The following CNTN1 variants were observed in gnomAD, a reference collection of about 807,000 sequenced individuals.
CNTN1 encodes contactin 1.
CNTN1 carries 38 observed loss-of-function variants against 126.4 expected under a neutral mutation model. That is an observed-to-expected ratio of 0.30 (90% CI 0.23 to 0.39). CNTN1 has a LOEUF of 0.39. Among genes scored for constraint, CNTN1 ranks in the 10% least tolerant of loss-of-function variants. The pLI, the probability that CNTN1 is intolerant of heterozygous loss-of-function variation, is 1.00. For synonymous variants in CNTN1, 413 were observed against 422.6 expected, an observed-to-expected ratio of 0.98 and a Z score of 0.28; for missense variants, 1,009 against 1,248.4, an observed-to-expected ratio of 0.81 and a Z score of 2.89.
At chr12:40,814,385 G>T (rs970713944) in intron 1 of CNTN1, among the ~76,000 whole-genome samples, 8 of 152,180 alleles carry the variant, frequency 5.3e-5, no homozygotes, top group African/African-American at 1.9e-4. Context: ...AAGACGTAAG[G>T]ACGGAGTCCA....
chr12:40,986,800 C>T lies in CNTN1; in HGVS notation c.1963+5733C>T, dbSNP rs73116954. ...TTCTGCCCCAAAACTTTCTTGAGTA[C>T]ACATGATGAAGGCCTATGAAAAATA... On this transcript the variant is annotated intron_variant, in intron 16 of 23. Coordinates refer to ENST00000551295, the MANE Select transcript of CNTN1 (RefSeq NM_001843.4). 8.7e-3 allele frequency among the ~76,000 whole-genome samples: 1,327 copies of T among 152,222 alleles called. 18 individuals are homozygous for T. Among genetic ancestry groups the T allele is most frequent in the African/African-American group, 0.03 (1,245 of 41,528 alleles).
chr12:40,889,649 G>A (rs919042684), intron 1 of CNTN1, among the ~76,000 whole-genome samples: 3 of 152,002 alleles, frequency 2.0e-5, no homozygotes, highest in African/African-American at 7.3e-5. Context: ...TTAAAGAAGG[G>A]CAGAAATGGT....
chr12:40,897,036 T>C (rs1210833779), intron 1 of CNTN1, among the ~76,000 whole-genome samples: 1 of 152,222 alleles, frequency 6.6e-6, no homozygotes, highest in Non-Finnish European at 1.5e-5. Context: ...ATGGAGTACA[T>C]ATATCTTAAC....
chr12:40,851,671 C>T (rs1942719374), intron 1 of CNTN1, among the ~76,000 whole-genome samples: 3 of 152,122 alleles, frequency 2.0e-5, no homozygotes, highest in African/African-American at 7.2e-5. Flanking sequence ...ATCACTGTGA[C>T]GTGGGTTTTG....
chr12:41,037,381 G>A (rs1010211604), intron 23 of CNTN1, among the ~76,000 whole-genome samples: 1 of 151,638 alleles, frequency 6.6e-6, no homozygotes, highest in African/African-American at 2.4e-5. Flanking sequence ...CTATATTTAT[G>A]TATGTATATA....
chr12:41,048,399 TGA>T (rs1217741856), intron 23 of CNTN1, among the ~76,000 whole-genome samples: 2 of 152,206 alleles, frequency 1.3e-5, no homozygotes, highest in East Asian at 3.8e-4. Context: ...CCTATTTCTC[TGA>T]GAAATAAAAG....
At chr12:40,801,868 A>G (rs1385130592) in intron 1 of CNTN1, among the ~76,000 whole-genome samples, 1 of 151,750 alleles carries the variant, frequency 6.6e-6, no homozygotes, top group Non-Finnish European at 1.5e-5. Context: ...CAGGAGTGTG[A>G]ATACGGGGAA....
At chr12:40,851,612 A>C (rs1942717747) in intron 1 of CNTN1, among the ~76,000 whole-genome samples, 2 of 151,826 alleles carry the variant, frequency 1.3e-5, no homozygotes, top group Non-Finnish European at 2.9e-5. Flanking sequence ...TTCTCCCCTT[A>C]TTGTTACCAG....
At chr12:40,854,179 G>A (rs1942817842) in intron 1 of CNTN1, among the ~76,000 whole-genome samples, 1 of 151,784 alleles carries the variant, frequency 6.6e-6, no homozygotes, top group Non-Finnish European at 1.5e-5. Context: ...CAGTCTAGTG[G>A]TAAATACACA....
intron 17 of CNTN1, among the ~76,000 whole-genome samples, chr12:41,001,932 G>GTTTCC (rs371432594): frequency 2.0e-3 from 300 of 152,204 alleles, no homozygotes; most frequent in Middle Eastern, 0.014. Flanking sequence ...TCAGATAGCT[G>GTTTCC]TAAGTGTGTG....
intron 21 of CNTN1, among the ~76,000 whole-genome samples, chr12:41,026,977 G>A (rs920572818): frequency 3.2e-4 from 48 of 152,256 alleles, no homozygotes; most frequent in Non-Finnish European, 4.9e-4. Context: ...CAATTTGGAT[G>A]TTGGCAATGA....
chr12:40,906,693 GA>G (rs1944836855), intron 1 of CNTN1, among the ~76,000 whole-genome samples: 1 of 40,898 alleles, frequency 2.4e-5, no homozygotes, highest in Non-Finnish European at 5.1e-5. Context: ...TGTTTTTTTT[GA>G]GATGGAGTTT....
chr12:41,034,549 T>C (rs1046448682), intron 23 of CNTN1, among the ~76,000 whole-genome samples: 1 of 152,234 alleles, frequency 6.6e-6, no homozygotes, highest in African/African-American at 2.4e-5. Context: ...GTGATTAAGA[T>C]ACAATCAGAT....
At chr12:40,900,751 C>T (rs1944573895) in intron 1 of CNTN1, among the ~76,000 whole-genome samples, 1 of 152,114 alleles carries the variant, frequency 6.6e-6, no homozygotes, top group African/African-American at 2.4e-5. Flanking sequence ...AACCTCTTTC[C>T]TATCAGTATA....
In CNTN1 at chr12:41,029,074, A is replaced by G. The variant is rs762768217; in HGVS notation, c.2835A>G (p.Arg945=). 1 of 1,614,028 alleles carries G rather than the reference A, an allele frequency of 6.2e-7. No individual in the cohort carries two copies. The highest frequency in any genetic ancestry group is 8.5e-7 in the Non-Finnish European group (1 of 1,179,960). The change falls in exon 23 of 24, where the codon AGA becomes AGG. Residue 945 remains arginine, a synonymous_variant. Coordinates refer to ENST00000551295, the MANE Select transcript of CNTN1 (RefSeq NM_001843.4). The part of the protein sequence containing the change: ...STVTGYKVLY[R]PDGQHDGKLY... ...CTGTACTTTATAAGGTACTCTACAG[A>G]CCTGATGGCCAGCATGATGGCAAGC...
intron 1 of CNTN1, among the ~76,000 whole-genome samples, chr12:40,788,802 CTCTT>C (rs994408455): frequency 2.0e-5 from 3 of 152,116 alleles, no homozygotes; most frequent in Non-Finnish European, 4.4e-5. Context: ...AGTAAAGCTT[CTCTT>C]TCTTTTATGT....
At chr12:41,056,870 T>C (rs1235949204) in intron 23 of CNTN1, among the ~76,000 whole-genome samples, 1 of 131,912 alleles carries the variant, frequency 7.6e-6, no homozygotes, top group Non-Finnish European at 1.6e-5. Flanking sequence ...ATATTATAAA[T>C]ATTTGGATAT....
chr12:41,059,511 G>A (rs1235685680), intron 23 of CNTN1, among the ~76,000 whole-genome samples: 1 of 152,180 alleles, frequency 6.6e-6, no homozygotes, highest in Non-Finnish European at 1.5e-5. Flanking sequence ...GAAGCAGCCA[G>A]GATGTAGAGG....
intron 1 of CNTN1, among the ~76,000 whole-genome samples, chr12:40,809,361 G>T (rs1466596632): frequency 3.9e-5 from 6 of 152,140 alleles, no homozygotes; most frequent in Admixed American, 3.9e-4. Context: ...AAAATAACTT[G>T]CTGGTACATT....
Sources: allele counts gnomAD v4.1 joint callset (sites outside exome capture counted in the v4.1 genomes callset), GRCh38; gene constraint gnomAD v4.1.1; transcripts MANE v1.5; gene names NCBI Gene and HGNC (gene_info 2026-07-23, HGNC 2026-07-21).